The following RALGPS1 variants were observed in gnomAD, a reference collection of about 807,000 sequenced individuals.
The protein encoded by RALGPS1 is Ral GEF with PH domain and SH3 binding motif 1.
RALGPS1 carries 19 observed loss-of-function variants against 78.8 expected under a neutral mutation model. That is an observed-to-expected ratio of 0.24 (90% CI 0.17 to 0.35). The LOEUF (loss-of-function observed/expected upper bound fraction) is 0.35, where lower values mean the gene tolerates loss of function less well. Among genes scored for constraint, RALGPS1 ranks in the 10% least tolerant of loss-of-function variants. RALGPS1 has a pLI of 1.00. For synonymous variants in RALGPS1, 228 were observed against 256.3 expected (o/e 0.89, Z 1.06); for missense variants, 454 against 688.3 (o/e 0.66, Z 3.81).
chr9:127,096,574 C>A lies in RALGPS1; in HGVS notation c.610+27218C>A, dbSNP rs897328561. Among the ~76,000 whole-genome samples, 10 of 152,298 alleles carry A rather than the reference C, an allele frequency of 6.6e-5. No individual in the cohort carries two copies. The South Asian group carries it at 1.2e-3, about 19-fold the overall frequency. Reference sequence around the variant, plus strand: ...GGCCTCGTGGCTCCAGCTGGGGCTGCCTTTGTGGGCGCCATGAATGATCTC... The same window carrying A: ...GGCCTCGTGGCTCCAGCTGGGGCTGACTTTGTGGGCGCCATGAATGATCTC... On this transcript the variant is annotated intron_variant, in intron 8 of 18. Transcript: ENST00000259351.
chr9:126,982,218 G>C lies in RALGPS1; in HGVS notation c.216+4473G>C, dbSNP rs372339465. ...TCACCAAGGGGGGCACTATACAAGA[G>C]CTGGACACCAGCAAGTAGGAAGTGG... On this transcript the variant is annotated intron_variant, in intron 4 of 18. Coordinates refer to ENST00000259351, the MANE Select transcript of RALGPS1 (RefSeq NM_014636.3). Among the ~76,000 whole-genome samples the C allele has an allele frequency of 1.6e-4, 25 of 152,296 alleles. 1 individual carries two copies. In the East Asian group the frequency reaches 4.8e-3, roughly 29 times the overall value.
intron 8 of RALGPS1, among the ~76,000 whole-genome samples, chr9:127,076,720 G>A (rs950814792): frequency 2.0e-5 from 3 of 152,170 alleles, no homozygotes; most frequent in Admixed American, 6.5e-5. Flanking sequence ...CTGCCCTCAT[G>A]GAGCTCACAG....
chr9:127,051,187 C>T (rs2048281189), intron 6 of RALGPS1, among the ~76,000 whole-genome samples: 1 of 152,214 alleles, frequency 6.6e-6, no homozygotes, highest in Non-Finnish European at 1.5e-5. Flanking sequence ...TGGTGCTGGG[C>T]TTAATGATAT....
At chr9:127,188,997 CAAAAAAAAAAAAAAAAA>C (rs543909572) in intron 11 of RALGPS1, among the ~76,000 whole-genome samples, 1 of 56,826 alleles carries the variant, frequency 1.8e-5, no homozygotes, top group African/African-American at 7.3e-5. Context: ...AAGACTGTCT[CAAAAAAAAAAAAAAAAA>C]AAAAAAAAAA....
chr9:127,126,295 AAG>A (rs2056613634), intron 8 of RALGPS1, among the ~76,000 whole-genome samples: 1 of 152,092 alleles, frequency 6.6e-6, no homozygotes, highest in Non-Finnish European at 1.5e-5. Context: ...GGCTTCTTTT[AAG>A]ATTTTCTCTT....
At chr9:127,003,614 G>A (rs2043555439) in intron 4 of RALGPS1, among the ~76,000 whole-genome samples, 1 of 152,176 alleles carries the variant, frequency 6.6e-6, no homozygotes. Flanking sequence ...ATGTGTGGGA[G>A]TGAAATTGCT....
In RALGPS1 at chr9:127,218,684, C is replaced by A; in HGVS notation, c.1645-56C>A. The A allele has an allele frequency of 6.4e-7, 1 of 1,572,506 alleles. No individual in the cohort carries two copies. Among genetic ancestry groups the A allele is most frequent in the Non-Finnish European group, 8.8e-7 (1 of 1,142,220 alleles). ...TGTCCCTTCCCCTAGGGACCACCACCCCTTGTCCTTCTCTGAGGTCGGAAC... is the reference window on the plus strand; with the variant it reads ...TGTCCCTTCCCCTAGGGACCACCACACCTTGTCCTTCTCTGAGGTCGGAAC... On this transcript the variant is annotated intron_variant, in intron 18 of 18. Coordinates refer to ENST00000259351, the MANE Select transcript of RALGPS1 (RefSeq NM_014636.3). This position sits in a 1 kb window ranked among gnomAD's most constrained non-coding sequence, Gnocchi z 4.4.
chr9:127,084,190 G>A (rs1165953637), intron 8 of RALGPS1, among the ~76,000 whole-genome samples: 1 of 152,086 alleles, frequency 6.6e-6, no homozygotes. Context: ...ACCTCCCAAA[G>A]TTCTGGGAGG....
intron 4 of RALGPS1, among the ~76,000 whole-genome samples, chr9:127,017,493 A>G (rs1286704779): frequency 6.6e-6 from 1 of 152,220 alleles, no homozygotes; most frequent in Non-Finnish European, 1.5e-5. Context: ...GAGTGAATGT[A>G]AAGGCCTTGG....
chr9:127,084,397 C>T (rs902970518), intron 8 of RALGPS1, among the ~76,000 whole-genome samples: 1 of 152,142 alleles, frequency 6.6e-6, no homozygotes, highest in African/African-American at 2.4e-5. Context: ...ATGTATAGCT[C>T]CCTCCCTGGC....
chr9:126,958,371 G>T (rs964625160), intron 1 of RALGPS1, among the ~76,000 whole-genome samples: 26 of 151,868 alleles, frequency 1.7e-4, no homozygotes, highest in African/African-American at 6.0e-4. Flanking sequence ...CTGCCACCAC[G>T]ATCCAGTTTT....
chr9:127,102,685 A>G (rs1458854076), intron 8 of RALGPS1, among the ~76,000 whole-genome samples: 7 of 152,216 alleles, frequency 4.6e-5, no homozygotes, highest in Admixed American at 4.6e-4. Context: ...CCAAGGTACC[A>G]GAAGAGGAGG....
chr9:127,200,530 G>A (rs2061576905), intron 14 of RALGPS1, among the ~76,000 whole-genome samples: 1 of 152,230 alleles, frequency 6.6e-6, no homozygotes, highest in African/African-American at 2.4e-5. Flanking sequence ...CCACAGCTTG[G>A]CCAGATACGG....
intron 8 of RALGPS1, among the ~76,000 whole-genome samples, chr9:127,125,426 ATC>A (rs1179594055): frequency 6.6e-6 from 1 of 152,190 alleles, no homozygotes; most frequent in Non-Finnish European, 1.5e-5. Flanking sequence ...TCTCTCACTA[ATC>A]TCGGGCAACT....
intron 8 of RALGPS1, among the ~76,000 whole-genome samples, chr9:127,157,032 A>G (rs1286445965): frequency 3.3e-5 from 5 of 151,992 alleles, no homozygotes; most frequent in Non-Finnish European, 7.4e-5. Context: ...AAATTTCTGT[A>G]TCTCTATGTA....
chr9:127,138,456 C>A (rs1199417618), intron 8 of RALGPS1, among the ~76,000 whole-genome samples: 1 of 152,170 alleles, frequency 6.6e-6, no homozygotes, highest in African/African-American at 2.4e-5. Flanking sequence ...TGACAGAGGG[C>A]AAATGGGCTT....
intron 1 of RALGPS1, among the ~76,000 whole-genome samples, chr9:126,955,852 C>T (rs886675693): frequency 6.6e-6 from 1 of 152,126 alleles, no homozygotes; most frequent in Non-Finnish European, 1.5e-5. Context: ...GGTCAGATTT[C>T]CCGTGGATTG....
intron 7 of RALGPS1, among the ~76,000 whole-genome samples, chr9:127,062,242 C>T (rs1201354300): frequency 2.0e-5 from 3 of 151,936 alleles, no homozygotes; most frequent in East Asian, 3.9e-4. Context: ...GGACTACAGG[C>T]GCCCACCACC....
intron 8 of RALGPS1, among the ~76,000 whole-genome samples, chr9:127,103,735 G>C (rs1027403747): frequency 2.6e-5 from 4 of 152,180 alleles, no homozygotes; most frequent in Non-Finnish European, 5.9e-5. Context: ...TGTTCCCAGA[G>C]CTCATTTTAA....
Sources: gnomAD v4.1 joint callset for allele counts (sites outside exome capture counted in the v4.1 genomes callset) on GRCh38, gnomAD v4.1.1 for gene constraint, Gnocchi (gnomAD v3.1) non-coding constraint, MANE v1.5 for transcripts, NCBI Gene and HGNC (gene_info 2026-07-23, HGNC 2026-07-21) for gene names.